CD2AP: variants seen among roughly 807,000 people sequenced by gnomAD.
CD2AP encodes CD2 associated protein.
CD2AP carries 46 observed loss-of-function variants against 85.1 expected under a neutral mutation model. That is an observed-to-expected ratio of 0.54 (90% CI 0.43 to 0.69). The LOEUF is 0.69. CD2AP is among the 30% of genes least tolerant of loss of function. The pLI is 0.00. For missense variants in CD2AP, 769 were observed against 729.5 expected (o/e 1.05, Z -0.62); for synonymous variants, 255 against 252.9 (o/e 1.01, Z -0.08).
At chr6:47,488,536 T>C (rs545810819) in intron 1 of CD2AP, among the ~76,000 whole-genome samples, 116 of 152,294 alleles carry the variant, frequency 7.6e-4, no homozygotes, top group Non-Finnish European at 1.5e-3. Flanking sequence ...GCTTACATTT[T>C]TTCTTATATA....
Position 47,599,347 on chromosome 6 carries a change from C to T in CD2AP, c.1321C>T (p.Pro441Ser). The T allele has an allele frequency of 6.2e-7, 1 of 1,610,432 alleles. No individual in the cohort carries two copies. The highest frequency in any genetic ancestry group is 2.2e-5 in the East Asian group (1 of 44,740). The stretch of plus-strand genomic sequence containing the variant: ...CATTTCATCAAAATTTGAAACTGAG[C>T]CAGTATCAAAACTAAAGCTAGATTC... ...SSISSKFETEPVSKLKLDSEQ... is the reference protein window; with the variant it reads ...SSISSKFETESVSKLKLDSEQ... The change falls in exon 13 of 18, where the codon CCA (proline) becomes TCA (serine). Residue 441 changes from proline (P) to serine (S), a missense_variant. Coordinates refer to ENST00000359314, the MANE Select transcript of CD2AP (RefSeq NM_012120.3).
intron 1 of CD2AP, among the ~76,000 whole-genome samples, chr6:47,479,992 A>G (rs1765405124): frequency 6.6e-6 from 1 of 152,088 alleles, no homozygotes; most frequent in Non-Finnish European, 1.5e-5. Flanking sequence ...CTCTGGAGAA[A>G]AGTAAATGTG....
chr6:47,493,206 A>T (rs896827052), intron 1 of CD2AP, among the ~76,000 whole-genome samples: 9 of 152,040 alleles, frequency 5.9e-5, no homozygotes, highest in African/African-American at 2.2e-4. Context: ...TCTGACCTGT[A>T]TAATTTTCAT....
Position 47,566,748 on chromosome 6 carries a change from G to T in CD2AP, c.542-7316G>T, listed in dbSNP as rs1161040814. Among the ~76,000 whole-genome samples the T allele has an allele frequency of 2.0e-5, 3 of 152,104 alleles. No individual in the cohort carries two copies. The East Asian group carries it at 5.8e-4, about 29-fold the overall frequency. ...TCTGTTCCTGTGTTAGTTTGCTGAG[G>T]ATGATGGCTTCCAGCGTCATCCATG... On this transcript the variant is annotated intron_variant, in intron 5 of 17. Coordinates refer to ENST00000359314, the MANE Select transcript of CD2AP (RefSeq NM_012120.3).
At chr6:47,559,067 C>T (rs184389176) in intron 5 of CD2AP, among the ~76,000 whole-genome samples, 463 of 152,130 alleles carry the variant, frequency 3.0e-3, no homozygotes, top group Non-Finnish European at 4.9e-3. Context: ...GTTTATGTGT[C>T]CAGGAATTTA....
chr6:47,590,078 C>T (rs556172585), intron 11 of CD2AP, among the ~76,000 whole-genome samples: 13 of 152,060 alleles, frequency 8.5e-5, no homozygotes, highest in Non-Finnish European at 1.3e-4. Flanking sequence ...TCTTTTGTGT[C>T]TTGTACTCAT....
At chr6:47,586,881 T>C (rs188406432) in intron 11 of CD2AP, among the ~76,000 whole-genome samples, 10 of 152,270 alleles carry the variant, frequency 6.6e-5, no homozygotes, top group Admixed American at 4.6e-4. Flanking sequence ...AGGGTAGATA[T>C]GAGAATTTTT....
At chr6:47,616,660 G>T (rs1195503298) in intron 17 of CD2AP, among the ~76,000 whole-genome samples, 1 of 152,188 alleles carries the variant, frequency 6.6e-6, no homozygotes, top group Non-Finnish European at 1.5e-5. Context: ...AGGTCTAGCT[G>T]CCTTCTTGAT....
At chr6:47,539,766 T>C (rs903522856) in intron 3 of CD2AP, among the ~76,000 whole-genome samples, 17 of 152,350 alleles carry the variant, frequency 1.1e-4, no homozygotes, top group African/African-American at 3.6e-4. Context: ...GCCTTTGCTG[T>C]ACCTCCTTTA....
intron 11 of CD2AP, among the ~76,000 whole-genome samples, chr6:47,585,213 GA>G (rs1204471235): frequency 6.6e-6 from 1 of 151,444 alleles, no homozygotes; most frequent in Non-Finnish European, 1.5e-5. Flanking sequence ...TGAGGCAGGA[GA>G]ATGGCGTGAA....
At chr6:47,494,032 T>TA (rs1311980535) in intron 1 of CD2AP, among the ~76,000 whole-genome samples, 1 of 152,018 alleles carries the variant, frequency 6.6e-6, no homozygotes, top group Admixed American at 6.6e-5. Context: ...GTCAGATAAC[T>TA]AAAAAAAATG....
chr6:47,497,505 C>G (rs1195624785), intron 1 of CD2AP, among the ~76,000 whole-genome samples: 1 of 151,942 alleles, frequency 6.6e-6, no homozygotes, highest in East Asian at 1.9e-4. Context: ...GCCATTCTCT[C>G]ACTCAAGCCA....
intron 8 of CD2AP, among the ~76,000 whole-genome samples, chr6:47,578,983 T>G (rs189402186): frequency 7.9e-5 from 12 of 152,290 alleles, no homozygotes; most frequent in African/African-American, 2.6e-4. Context: ...TTTTTTCCTC[T>G]GAGAACATTT....
chr6:47,599,477 A>G, intron 13 of CD2AP, 34 bp downstream of exon 13: 3 of 1,593,156 alleles, frequency 1.9e-6, no homozygotes, highest in Non-Finnish European at 2.6e-6. Context: ...GTGCATTTAA[A>G]AAAAAAAATT....
intron 3 of CD2AP, 120 bp downstream of exon 3, chr6:47,533,875 A>G (rs1766957768): frequency 1.0e-6 from 1 of 972,272 alleles, no homozygotes; most frequent in South Asian, 1.6e-5. Flanking sequence ...ACTTCCTGCA[A>G]AGTCTCATGT....
intron 1 of CD2AP, among the ~76,000 whole-genome samples, chr6:47,486,709 C>G (rs1438066343): frequency 6.6e-6 from 1 of 152,110 alleles, no homozygotes; most frequent in East Asian, 1.9e-4. Flanking sequence ...TCTTACTGTC[C>G]TATCAGTGTT....
chr6:47,519,494 C>T (rs1582506602), intron 2 of CD2AP, among the ~76,000 whole-genome samples: 2 of 152,304 alleles, frequency 1.3e-5, no homozygotes, highest in African/African-American at 4.8e-5. Context: ...TGACCGTGCC[C>T]TTGCCACTAT....
intron 5 of CD2AP, among the ~76,000 whole-genome samples, chr6:47,558,625 T>G (rs952765259): frequency 1.3e-5 from 2 of 152,212 alleles, no homozygotes; most frequent in Non-Finnish European, 2.9e-5. Flanking sequence ...GGATTATGTT[T>G]ATTGATTTGC....
Position 47,526,655 on chromosome 6 carries a change from G to A in CD2AP, c.166-6947G>A, listed in dbSNP as rs1214775630. 3.3e-5 allele frequency among the ~76,000 whole-genome samples: 5 copies of A among 152,124 alleles called. No individual in the cohort carries two copies. In the East Asian group the frequency reaches 7.7e-4, roughly 23 times the overall value. On this transcript the variant is annotated intron_variant, in intron 2 of 17. Coordinates refer to ENST00000359314, the MANE Select transcript of CD2AP (RefSeq NM_012120.3). ...AATGAACACAATGGAACCAGGATTTGTATACAGTTTGTCTGTCTCCTGAAC... is the reference window on the plus strand; with the variant it reads ...AATGAACACAATGGAACCAGGATTTATATACAGTTTGTCTGTCTCCTGAAC...
Sources: gnomAD v4.1 joint callset for allele counts (sites outside exome capture counted in the v4.1 genomes callset) on GRCh38, gnomAD v4.1.1 for gene constraint, MANE v1.5 for transcripts, NCBI Gene and HGNC (gene_info 2026-07-23, HGNC 2026-07-21) for gene names.